RIMBP2: variants seen among roughly 807,000 people sequenced by gnomAD.
RIMBP2 encodes RIMS binding protein 2.
Under a neutral mutation model 118.6 loss-of-function variants are expected in RIMBP2, and 48 were observed. The observed-to-expected ratio is 0.40, with a 90% CI of 0.32 to 0.51. The LOEUF (loss-of-function observed/expected upper bound fraction) is 0.51. Among genes scored for constraint, RIMBP2 ranks in the 20% least tolerant of loss-of-function variants. The probability of loss-of-function intolerance (pLI) is 0.41; values close to 1 mark genes in which losing one functional copy is unlikely to be tolerated. For missense variants in RIMBP2, 1,551 were observed against 1,768.3 expected (o/e 0.88, Z 2.20); for synonymous variants, 762 against 742.9 (o/e 1.03, Z -0.42).
In RIMBP2 at chr12:130,419,306, G is replaced by A. The variant is rs2076279907; in HGVS notation, c.3238+3147C>T. Among the ~76,000 whole-genome samples the A allele has an allele frequency of 6.6e-6, 1 of 152,156 alleles. No individual in the cohort carries two copies. Among genetic ancestry groups the A allele is most frequent in the Non-Finnish European group, 1.5e-5 (1 of 68,034 alleles). ...GCTGAGGAAGTGTGCTGGCCCAAGG[G>A]GTCTTTGTTAGGAGGAAGGGTGTGC... On this transcript the variant is annotated intron_variant, in intron 17 of 22. Coordinates refer to ENST00000690449, the MANE Select transcript of RIMBP2 (RefSeq NM_001393629.1). The surrounding 1 kb of genome is among the most constrained non-coding windows in gnomAD (Gnocchi z 4.3).
chr12:130,693,873 G>A (rs1487268238), intron 1 of RIMBP2, among the ~76,000 whole-genome samples: 2 of 152,156 alleles, frequency 1.3e-5, no homozygotes, highest in African/African-American at 2.4e-5. Context: ...TGGAATGCAG[G>A]TGTGCTGGCT....
intron 1 of RIMBP2, among the ~76,000 whole-genome samples, chr12:130,696,384 G>C (rs536884595): frequency 3.7e-4 from 56 of 152,192 alleles, no homozygotes; most frequent in Non-Finnish European, 5.1e-4. Context: ...TGTGTCATCT[G>C]CATCCCTCAA....
At chr12:130,704,923 T>A (rs574859147) in intron 1 of RIMBP2, among the ~76,000 whole-genome samples, 19 of 152,268 alleles carry the variant, frequency 1.2e-4, no homozygotes, top group African/African-American at 3.8e-4. Flanking sequence ...GGGACAGTGA[T>A]ACCCTCCTGT....
At chr12:130,531,743 G>T (rs1007623871) in intron 2 of RIMBP2, among the ~76,000 whole-genome samples, 1 of 152,240 alleles carries the variant, frequency 6.6e-6, no homozygotes, top group African/African-American at 2.4e-5. Flanking sequence ...CCATGTCATA[G>T]ATTTTGTCTT....
chr12:130,559,903 C>T (rs2056676145), intron 2 of RIMBP2, among the ~76,000 whole-genome samples: 1 of 152,238 alleles, frequency 6.6e-6, no homozygotes, highest in Admixed American at 6.5e-5. Context: ...ACAACGGTAA[C>T]ACCTGCCTCG....
chr12:130,558,876 A>C (rs1368569379), intron 2 of RIMBP2, among the ~76,000 whole-genome samples: 1 of 152,166 alleles, frequency 6.6e-6, no homozygotes. Flanking sequence ...CAAACACTAT[A>C]TACTTCCAAG....
chr12:130,616,957 G>A (rs1039625874), intron 2 of RIMBP2, among the ~76,000 whole-genome samples: 1 of 152,144 alleles, frequency 6.6e-6, no homozygotes, highest in African/African-American at 2.4e-5. Context: ...CCGCAACATG[G>A]GCCTTGGCGT....
At position 130,469,809 on chromosome 12, in the gene RIMBP2, G is replaced by A. The variant is rs11060923; in HGVS notation, c.153+884C>T. 0.019 allele frequency among the ~76,000 whole-genome samples: 2,877 copies of A among 152,280 alleles called. 80 individuals are homozygous for A. The highest frequency in any genetic ancestry group is 0.15 in the East Asian group (762 of 5,170). On this transcript the variant is annotated intron_variant, in intron 6 of 22. Transcript: ENST00000690449. This position sits in a 1 kb window ranked among gnomAD's most constrained non-coding sequence, Gnocchi z 4.8. ...TGGCCTCACTTAAGGGAACATTACC[G>A]GGAGGACGCCACCCCAGGGCAGATC...
chr12:130,496,019 A>G (rs73152992), intron 4 of RIMBP2, among the ~76,000 whole-genome samples: 11,926 of 152,188 alleles, frequency 0.078, 596 homozygotes, highest in East Asian at 0.19. Context: ...TCTGCCGCTG[A>G]CTCATTGGAC....
intron 2 of RIMBP2, among the ~76,000 whole-genome samples, chr12:130,625,984 T>C (rs1378063943): frequency 6.6e-6 from 1 of 152,214 alleles, no homozygotes; most frequent in Non-Finnish European, 1.5e-5. Flanking sequence ...GGCATACAGA[T>C]AAACATATTG....
At chr12:130,524,915 G>C (rs1318748448) in intron 2 of RIMBP2, among the ~76,000 whole-genome samples, 1 of 152,206 alleles carries the variant, frequency 6.6e-6, no homozygotes, top group Non-Finnish European at 1.5e-5. Flanking sequence ...GCAGGTTTAA[G>C]GGATGGGGCA....
At chr12:130,506,183 A>G (rs778438315) in intron 4 of RIMBP2, among the ~76,000 whole-genome samples, 1 of 152,288 alleles carries the variant, frequency 6.6e-6, no homozygotes, top group East Asian at 1.9e-4. Flanking sequence ...AGCTCAGCTC[A>G]TCAGGAATGC....
In RIMBP2 at chr12:130,609,113, A is replaced by G. The variant is rs572388900; in HGVS notation, c.-217+19209T>C. ...TCAGAAAACTGTATGGAGGTTCCTCAAAAAGCAAAAATGGAATGGCCACGA... is the reference window on the plus strand; with the variant it reads ...TCAGAAAACTGTATGGAGGTTCCTCGAAAAGCAAAAATGGAATGGCCACGA... On this transcript the variant is annotated intron_variant, in intron 2 of 22. Coordinates refer to ENST00000690449, the MANE Select transcript of RIMBP2 (RefSeq NM_001393629.1). Among the ~76,000 whole-genome samples the G allele has an allele frequency of 5.1e-3, 778 of 152,298 alleles. 2 individuals carry two copies. Among genetic ancestry groups the G allele is most frequent in the African/African-American group, 0.017 (722 of 41,560 alleles).
At chr12:130,618,959 G>T (rs1455879594) in intron 2 of RIMBP2, among the ~76,000 whole-genome samples, 1 of 152,038 alleles carries the variant, frequency 6.6e-6, no homozygotes, top group Non-Finnish European at 1.5e-5. Context: ...TCACAAATGG[G>T]TCTTTATCTA....
At chr12:130,612,446 T>C (rs560802297) in intron 2 of RIMBP2, among the ~76,000 whole-genome samples, 1 of 152,186 alleles carries the variant, frequency 6.6e-6, no homozygotes, top group South Asian at 2.1e-4. Flanking sequence ...CAAAGCCCAA[T>C]CCAGACAAAG....
chr12:130,615,380 G>A (rs982463438), intron 2 of RIMBP2, among the ~76,000 whole-genome samples: 2 of 149,976 alleles, frequency 1.3e-5, no homozygotes, highest in South Asian at 2.1e-4. Flanking sequence ...GCATGATCTC[G>A]GCTCACTGCA....
intron 1 of RIMBP2, among the ~76,000 whole-genome samples, chr12:130,655,052 G>A (rs927685616): frequency 3.9e-5 from 6 of 152,206 alleles, no homozygotes; most frequent in African/African-American, 1.2e-4. Flanking sequence ...CATTTCACAT[G>A]AGATTTGGGG....
intron 1 of RIMBP2, among the ~76,000 whole-genome samples, chr12:130,706,158 G>T (rs947971327): frequency 4.6e-5 from 7 of 152,218 alleles, no homozygotes; most frequent in Admixed American, 1.3e-4. Context: ...TCCAGGCCCT[G>T]TTCTAAATGC....
chr12:130,535,738 C>CATATATATAT (rs55887629), intron 2 of RIMBP2, among the ~76,000 whole-genome samples: 4 of 66,730 alleles, frequency 6.0e-5, no homozygotes, highest in Admixed American at 2.0e-4. Context: ...CATATATATA[C>CATATATATAT]ATATATATAT....
Sources: allele counts gnomAD v4.1 joint callset (sites outside exome capture counted in the v4.1 genomes callset), GRCh38; gene constraint gnomAD v4.1.1; non-coding constraint Gnocchi (gnomAD v3.1); transcripts MANE v1.5; gene names NCBI Gene and HGNC (gene_info 2026-07-23, HGNC 2026-07-21).